KAT6A: variants seen among roughly 807,000 people sequenced by gnomAD.
KAT6A encodes histone acetyltransferase KAT6A.
A neutral mutation model predicts 198.4 loss-of-function variants in KAT6A; 9 were observed. The ratio of observed to expected loss-of-function variants is 0.05; its 90% CI spans 0.03 to 0.08. The LOEUF (loss-of-function observed/expected upper bound fraction) is 0.08, where lower values mean the gene tolerates loss of function less well. Ranked by LOEUF, KAT6A falls within the 10% of genes least tolerant of loss-of-function variation. The probability of loss-of-function intolerance (pLI) is 1.00; values close to 1 mark genes in which losing one functional copy is unlikely to be tolerated. For missense variants in KAT6A, 2,077 were observed against 2,509.9 expected (o/e 0.83, Z 3.69); for synonymous variants, 890 against 883.0 (o/e 1.01, Z -0.14).
In KAT6A at chr8:41,933,146, G is replaced by A. The variant is rs777504144; in HGVS notation, c.5074C>T (p.Pro1692Ser). The change falls in exon 17 of 17, where the codon CCC becomes TCC. Residue 1692 changes from proline to serine, a missense_variant. Physicochemically the swap from Pro to Ser is moderately conservative, Grantham distance 74 (BLOSUM62 -1). Transcript: ENST00000265713. The surrounding 1 kb of genome is among the most constrained non-coding windows in gnomAD (Gnocchi z 6.2). ...QPQPQPQQPP[P>S]PPPPQQQPPL... Reference sequence around the variant, plus strand: ...GGCTGCTGCTGGGGAGGGGGTGGGGGTGGAGGCTGCTGGGGCTGAGGCTGC... The same window carrying A: ...GGCTGCTGCTGGGGAGGGGGTGGGGATGGAGGCTGCTGGGGCTGAGGCTGC... 1.2e-6 allele frequency: 2 copies of A among 1,604,280 alleles called. No homozygotes were observed. Among genetic ancestry groups the A allele is most frequent in the South Asian group, 2.2e-5 (2 of 90,574 alleles).
chr8:42,046,348 C>A (rs1437393136), intron 2 of KAT6A, among the ~76,000 whole-genome samples: 1 of 152,024 alleles, frequency 6.6e-6, no homozygotes, highest in Non-Finnish European at 1.5e-5. Context: ...CCAGCCTGGC[C>A]AACAAGGTGA....
At chr8:42,038,000 T>C (rs925361714) in intron 2 of KAT6A, among the ~76,000 whole-genome samples, 2 of 152,212 alleles carry the variant, frequency 1.3e-5, no homozygotes, top group South Asian at 2.1e-4. Flanking sequence ...ACTATGTTTA[T>C]AGAAGTGCTA....
chr8:41,953,760 T>C lies in KAT6A; in HGVS notation c.1598+1536A>G, dbSNP rs118077503. Reference sequence around the variant, plus strand: ...AAGTGCTGGGATTACAGGCGTGTCCTTGGCGTATTTCTTCTCGGTCATAAA... The same window carrying C: ...AAGTGCTGGGATTACAGGCGTGTCCCTGGCGTATTTCTTCTCGGTCATAAA... On this transcript the variant is annotated intron_variant, in intron 9 of 16. Coordinates refer to ENST00000265713, the MANE Select transcript of KAT6A (RefSeq NM_006766.5). Among the ~76,000 whole-genome samples, 1,278 of 152,266 alleles carry C rather than the reference T, an allele frequency of 8.4e-3. 31 individuals are homozygous for C. Among genetic ancestry groups the C allele is most frequent in the South Asian group, 0.081 (392 of 4,818 alleles).
At chr8:41,983,561 T>TAA (rs1824463073) in intron 3 of KAT6A, among the ~76,000 whole-genome samples, 1 of 152,252 alleles carries the variant, frequency 6.6e-6, no homozygotes, top group Non-Finnish European at 1.5e-5. Context: ...TCCCTATTGT[T>TAA]AAATACTGAG....
At chr8:42,021,728 C>T (rs1452647719) in intron 2 of KAT6A, among the ~76,000 whole-genome samples, 1 of 152,100 alleles carries the variant, frequency 6.6e-6, no homozygotes, top group African/African-American at 2.4e-5. Context: ...GCCAGGAGTT[C>T]AAGACCAGCC....
intron 2 of KAT6A, among the ~76,000 whole-genome samples, chr8:42,019,777 C>CA (rs1448527430): frequency 6.6e-6 from 1 of 152,182 alleles, no homozygotes; most frequent in Non-Finnish European, 1.5e-5. Context: ...TACCTATACT[C>CA]AAATTCTATA....
rs1050991 is a variant in KAT6A, at chr8:41,932,020, G to C, written c.*185C>G. On this transcript the variant is annotated 3_prime_UTR_variant, in exon 17 of 17. Transcript: ENST00000265713. ...AGATTGTGAAGAAAACCAAAACCCAGAACAAAATGAACCCAAAAAAAGAGA... is the reference window on the plus strand; with the variant it reads ...AGATTGTGAAGAAAACCAAAACCCACAACAAAATGAACCCAAAAAAAGAGA... The C allele has an allele frequency of 0.2, 108,836 of 542,170 alleles. 12,962 individuals carry two copies. Among genetic ancestry groups the C allele is most frequent in the Non-Finnish European group, 0.24 (86,750 of 355,342 alleles). 33.6% of individuals were successfully genotyped at this position (542,170 alleles called of 1,614,324 possible). A position where few individuals can be genotyped will look rare whatever the true frequency, so the allele number is the denominator to read the frequency against.
Position 41,993,590 on chromosome 8 carries a change from C to T in KAT6A, c.601-6027G>A, listed in dbSNP as rs2150897597. Among the ~76,000 whole-genome samples the T allele has an allele frequency of 1.3e-5, 2 of 152,246 alleles. 1 individual carries two copies. On this transcript the variant is annotated intron_variant, in intron 2 of 16. Transcript: ENST00000265713. ...ATACTATTACTGACAATGATCATGACATTTTAACTAAGTGATAATTTCAGT... is the reference window on the plus strand; with the variant it reads ...ATACTATTACTGACAATGATCATGATATTTTAACTAAGTGATAATTTCAGT...
Position 41,932,825 on chromosome 8 carries a change from G to C in KAT6A, c.5395C>G (p.Pro1799Ala), listed in dbSNP as rs200383083. Reference protein sequence around the residue: ...TGLAQLAPSHPLAGTPQAQAT... With the variant: ...TGLAQLAPSHALAGTPQAQAT... ...TGTGCTTGAGGAGTCCCAGCTAAGG[G>C]ATGAGATGGAGCCAGCTGAGCCAGT... The change falls in exon 17 of 17, where the codon CCC becomes GCC. Residue 1799 changes from proline to alanine, a missense_variant. Physicochemically the swap from Pro to Ala is conservative, Grantham distance 27. This residue lies in a region of KAT6A where 500 missense variants were observed against 577.2 expected (regional missense o/e 0.87). Coordinates refer to ENST00000265713, the MANE Select transcript of KAT6A (RefSeq NM_006766.5). The C allele has an allele frequency of 1.8e-5, 29 of 1,614,192 alleles. No homozygotes were observed. The East Asian group carries it at 6.2e-4, about 35-fold the overall frequency.
chr8:41,982,219 G>C (rs999454123), intron 3 of KAT6A, among the ~76,000 whole-genome samples: 1 of 151,788 alleles, frequency 6.6e-6, no homozygotes, highest in Non-Finnish European at 1.5e-5. Context: ...CTTTTATTAA[G>C]CCTACATCAA....
intron 14 of KAT6A, 69 bp downstream of exon 14, chr8:41,942,723 TA>T: frequency 6.7e-7 from 1 of 1,484,460 alleles, no homozygotes; most frequent in Non-Finnish European, 9.3e-7. Flanking sequence ...CATAATACAT[TA>T]TTATAAATAC....
intron 2 of KAT6A, among the ~76,000 whole-genome samples, chr8:42,042,602 T>C (rs1206670285): frequency 6.6e-6 from 1 of 152,220 alleles, no homozygotes; most frequent in Non-Finnish European, 1.5e-5. Flanking sequence ...AATTGAGATG[T>C]AACTTAGAGT....
At chr8:41,950,908 T>C (rs537864151) in intron 9 of KAT6A, among the ~76,000 whole-genome samples, 2 of 152,010 alleles carry the variant, frequency 1.3e-5, no homozygotes, top group East Asian at 3.9e-4. Flanking sequence ...ATTCAATAAA[T>C]GCTAATTACT....
intron 2 of KAT6A, among the ~76,000 whole-genome samples, chr8:42,022,967 G>A (rs1046941075): frequency 1.7e-4 from 26 of 152,078 alleles, no homozygotes; most frequent in African/African-American, 5.6e-4. Flanking sequence ...TCATCATTGT[G>A]CAACATCATA....
chr8:41,938,374 C>T (rs1388926219), intron 15 of KAT6A, among the ~76,000 whole-genome samples: 1 of 152,088 alleles, frequency 6.6e-6, no homozygotes, highest in African/African-American at 2.4e-5. Context: ...CATAAATTGG[C>T]AATACAAGTG....
At chr8:41,939,557 T>C (rs777095667) in intron 15 of KAT6A, among the ~76,000 whole-genome samples, 1 of 152,176 alleles carries the variant, frequency 6.6e-6, no homozygotes, top group East Asian at 1.9e-4. Context: ...CTGATAGATA[T>C]ATGCCAACAG....
intron 8 of KAT6A, chr8:41,974,471 C>A: frequency 2.9e-6 from 1 of 339,828 alleles, no homozygotes. Context: ...AAAAAATAAA[C>A]CAAGCTTATT....
At chr8:41,982,244 A>T (rs1388692858) in intron 3 of KAT6A, among the ~76,000 whole-genome samples, 2 of 152,078 alleles carry the variant, frequency 1.3e-5, no homozygotes, top group Non-Finnish European at 2.9e-5. Flanking sequence ...TTATGTGTGT[A>T]CATATCCGGT....
chr8:41,991,126 G>A (rs1824924180), intron 2 of KAT6A, among the ~76,000 whole-genome samples: 1 of 151,634 alleles, frequency 6.6e-6, no homozygotes, highest in African/African-American at 2.4e-5. Context: ...CATACCACAT[G>A]ATCCAGCACT....
Sources: allele counts gnomAD v4.1 joint callset (sites outside exome capture counted in the v4.1 genomes callset), GRCh38; gene constraint gnomAD v4.1.1; regional missense constraint gnomAD v4.1.1; non-coding constraint Gnocchi (gnomAD v3.1); transcripts MANE v1.5; gene names NCBI Gene and HGNC (gene_info 2026-07-23, HGNC 2026-07-21).